DHX40: variants seen among roughly 807,000 people sequenced by gnomAD.
DHX40 encodes the protein probable ATP-dependent RNA helicase DHX40.
A neutral mutation model predicts 89.6 loss-of-function variants in DHX40; 28 were observed. The observed-to-expected ratio is 0.31, with a 90% confidence interval of 0.23 to 0.43. The LOEUF is 0.43. DHX40 is among the 20% of genes least tolerant of loss of function. The pLI is 1.00. For missense variants in DHX40, 457 were observed against 844.0 expected, an observed-to-expected ratio of 0.54 and a Z score of 5.68; for synonymous variants, 226 against 283.6, an observed-to-expected ratio of 0.80 and a Z score of 2.04.
chr17:59,591,339 T>C (rs2049079715), intron 12 of DHX40, among the ~76,000 whole-genome samples: 1 of 150,420 alleles, frequency 6.6e-6, no homozygotes, highest in Non-Finnish European at 1.5e-5. Context: ...ATAAACAAGC[T>C]AAAATATTTC....
intron 2 of DHX40, among the ~76,000 whole-genome samples, chr17:59,569,699 A>AT (rs1009023767): frequency 1.1e-4 from 15 of 135,740 alleles, no homozygotes; most frequent in Non-Finnish European, 2.1e-4. Context: ...AAAGAAAAAA[A>AT]TATATATATA....
Position 59,565,708 on chromosome 17 carries a change from A to G in DHX40, c.37A>G (p.Arg13Gly). The G allele has an allele frequency of 1.2e-6, 2 of 1,603,826 alleles. No homozygotes were observed. Among genetic ancestry groups the G allele is most frequent in the East Asian group, 2.2e-5 (1 of 44,826 alleles). The stretch of plus-strand genomic sequence containing the variant: ...TCCCGCAGTCGCGGGCAGGGCGCCA[A>G]GGCGGCAGGAGGAGGGTGAGCGGTC... ...RFPAVAGRAPRRQEEGERSRD... is the reference protein window; with the variant it reads ...RFPAVAGRAPGRQEEGERSRD... Residue 13 changes from arginine to glycine, a missense_variant, in exon 1 of 18, where the codon AGG becomes GGG. By Grantham distance (125) the Arg-to-Gly change is moderately radical (BLOSUM62 -2). This residue lies in a region of DHX40 where 75 missense variants were observed against 76.8 expected (regional missense o/e 0.98). Coordinates refer to ENST00000251241, the MANE Select transcript of DHX40 (RefSeq NM_024612.5).
In DHX40 at chr17:59,570,460, C is replaced by G. The variant is rs1598137292; in HGVS notation, c.281-58C>G. Reference sequence around the variant, plus strand: ...TGTTGATTGGCCAAAAACAATTTAGCTCTAATAGGAAGACAATTGCTAACA... The same window carrying G: ...TGTTGATTGGCCAAAAACAATTTAGGTCTAATAGGAAGACAATTGCTAACA... On this transcript the variant is annotated intron_variant, in intron 2 of 17. Coordinates refer to ENST00000251241, the MANE Select transcript of DHX40 (RefSeq NM_024612.5). The G allele has an allele frequency of 4.0e-6, 6 of 1,505,128 alleles. No individual in the cohort carries two copies. In the East Asian group the frequency reaches 1.3e-4, roughly 32 times the overall value. The allele number at this position is 1,505,128 out of a possible 1,614,324, so 93.2% of individuals were successfully genotyped here.
At chr17:59,591,824 A>G (rs1042789381) in intron 12 of DHX40, among the ~76,000 whole-genome samples, 4 of 151,916 alleles carry the variant, frequency 2.6e-5, no homozygotes, top group South Asian at 2.1e-4. Context: ...GGCAAGAACA[A>G]GGGCAATCTC....
At chr17:59,579,099 G>T (rs2048921107) in intron 8 of DHX40, among the ~76,000 whole-genome samples, 1 of 110,030 alleles carries the variant, frequency 9.1e-6, no homozygotes, top group Non-Finnish European at 1.8e-5. Context: ...ATGGTTAATG[G>T]ACATTTAGGT....
chr17:59,588,619 A>G (rs1036278821), intron 12 of DHX40, among the ~76,000 whole-genome samples: 1 of 151,966 alleles, frequency 6.6e-6, no homozygotes, highest in Non-Finnish European at 1.5e-5. Flanking sequence ...GGCGTGAGCC[A>G]GCACGCCCAG....
rs752424921 is a variant in DHX40 at position 59,605,215 on chromosome 17, A to C, written c.1971+31A>C. 3 of 1,599,950 alleles carry C rather than the reference A, an allele frequency of 1.9e-6. No homozygotes were observed. The East Asian group carries it at 6.7e-5, about 36-fold the overall frequency. Reference sequence around the variant, plus strand: ...TACTTCATTTTTAATAAAGGGAAGAAATTTGTAAAGTTGTAGAAATAAGTA... The same window carrying C: ...TACTTCATTTTTAATAAAGGGAAGACATTTGTAAAGTTGTAGAAATAAGTA... On this transcript the variant is annotated intron_variant, in intron 16 of 17. Transcript: ENST00000251241.
chr17:59,594,390 T>C (rs541149127), intron 12 of DHX40, among the ~76,000 whole-genome samples: 22 of 151,462 alleles, frequency 1.5e-4, no homozygotes, highest in South Asian at 8.4e-4. Flanking sequence ...CCCCATCCTT[T>C]CCTGGAAACA....
rs755869879 is a variant in DHX40, at chr17:59,605,502, C to T, written c.2028C>T (p.Thr676=). Reference sequence around the variant, plus strand: ...TCATTTTTCATGAGGTATTGGTTACCACCAAAGTCTACGCAAGAATTGTAT... The same window carrying T: ...TCATTTTTCATGAGGTATTGGTTACTACCAAAGTCTACGCAAGAATTGTAT... The part of the protein sequence containing the change: ...EWIIFHEVLV[T]TKVYARIVCP... The change falls in exon 17 of 18, where the codon ACC becomes ACT. Residue 676 remains threonine (T), a synonymous_variant. Transcript: ENST00000251241. The T allele has an allele frequency of 7.4e-6, 12 of 1,614,072 alleles. No individual in the cohort carries two copies. The highest frequency in any genetic ancestry group is 1.0e-5 in the Non-Finnish European group (12 of 1,180,006).
intron 10 of DHX40, among the ~76,000 whole-genome samples, chr17:59,585,847 A>G (rs1335088009): frequency 6.7e-6 from 1 of 148,774 alleles, no homozygotes; most frequent in East Asian, 2.0e-4. Flanking sequence ...TGGACTGCAG[A>G]AAAGAGTAGA....
chr17:59,593,912 GGTCA>G (rs1184193703), intron 12 of DHX40, among the ~76,000 whole-genome samples: 74 of 149,410 alleles, frequency 5.0e-4, no homozygotes, highest in African/African-American at 1.7e-3. Context: ...CAACTCCAGC[GGTCA>G]GTCAGTGATT....
chr17:59,571,855 C>A (rs1029922503), intron 3 of DHX40, among the ~76,000 whole-genome samples: 1 of 152,048 alleles, frequency 6.6e-6, no homozygotes, highest in Non-Finnish European at 1.5e-5. Context: ...ACAGGGTAAA[C>A]CACCGCGCCC....
chr17:59,603,941 GTAAC>G, intron 15 of DHX40: 1 of 152,238 alleles, frequency 6.6e-6, no homozygotes, highest in Admixed American at 6.5e-5. Context: ...ATACCACACA[GTAAC>G]TAGCCTTGAC....
At chr17:59,590,654 C>G (rs2960211) in intron 12 of DHX40, among the ~76,000 whole-genome samples, 3,758 of 150,580 alleles carry the variant, frequency 0.025, 90 homozygotes, top group African/African-American at 0.048. Context: ...TATTTTTATA[C>G]AGATGGGGTT....
intron 12 of DHX40, among the ~76,000 whole-genome samples, chr17:59,592,356 C>T (rs2049096415): frequency 6.7e-6 from 1 of 150,226 alleles, no homozygotes; most frequent in South Asian, 2.1e-4. Flanking sequence ...GTAAAATTTA[C>T]ATATAGTGAA....
rs2048769218 is a variant in DHX40 at position 59,569,952 on chromosome 17, G to C, written c.281-566G>C. ...CCAGCTACTCGGGAGGCTGAGGCAGGAGAGTTGCTTGAACCTGGGACGCAG... is the reference window on the plus strand; with the variant it reads ...CCAGCTACTCGGGAGGCTGAGGCAGCAGAGTTGCTTGAACCTGGGACGCAG... On this transcript the variant is annotated intron_variant, in intron 2 of 17. Coordinates refer to ENST00000251241, the MANE Select transcript of DHX40 (RefSeq NM_024612.5). Among the ~76,000 whole-genome samples the C allele has an allele frequency of 3.5e-5, 5 of 144,364 alleles. No homozygotes were observed. The South Asian group carries it at 1.1e-3, about 30-fold the overall frequency. The allele number at this position is 144,364 out of a possible 152,430, so 94.7% of individuals were successfully genotyped here. A position where few individuals can be genotyped will look rare whatever the true frequency, so the allele number is the denominator to read the frequency against.
chr17:59,603,777 GCAAT>G (rs1286662044), intron 15 of DHX40: 12 of 152,112 alleles, frequency 7.9e-5, no homozygotes, highest in African/African-American at 2.4e-4. Flanking sequence ...CCTAAATCAA[GCAAT>G]CAAAGTGAAC....
chr17:59,571,545 T>C (rs1567860805), intron 3 of DHX40, among the ~76,000 whole-genome samples: 1 of 150,920 alleles, frequency 6.6e-6, no homozygotes, highest in Non-Finnish European at 1.5e-5. Flanking sequence ...AAACAGAAAC[T>C]CTTATAGATT....
rs1212555908 is a variant in DHX40, at chr17:59,573,661, G to C, written c.547-79G>C. 4 of 1,397,742 alleles carry C rather than the reference G, an allele frequency of 2.9e-6. No homozygotes were observed. The East Asian group carries it at 7.2e-5, about 25-fold the overall frequency. 86.6% of individuals were successfully genotyped at this position (1,397,742 alleles called of 1,614,324 possible). A position where few individuals can be genotyped will look rare whatever the true frequency, so the allele number is the denominator to read the frequency against. On this transcript the variant is annotated intron_variant, in intron 4 of 17. Transcript: ENST00000251241. The stretch of plus-strand genomic sequence containing the variant: ...TAATGTATTAAAATAGGAATTCCTT[G>C]GTTAGAATAGCAGTGTATCTAAAAT...
Sources: allele counts gnomAD v4.1 joint callset (sites outside exome capture counted in the v4.1 genomes callset), GRCh38; gene constraint gnomAD v4.1.1; regional missense constraint gnomAD v4.1.1; transcripts MANE v1.5; gene names NCBI Gene and HGNC (gene_info 2026-07-23, HGNC 2026-07-21).